ACSM5: variants seen among roughly 807,000 people sequenced by gnomAD.
ACSM5 encodes acyl-coenzyme A synthetase ACSM5, mitochondrial.
In ACSM5, 56 loss-of-function variants were observed where a neutral mutation model predicts 71.6. The observed-to-expected ratio is 0.78, with a 90% CI of 0.63 to 0.98. The LOEUF is 0.98. Ranked by LOEUF, ACSM5 falls within the 50% of genes least tolerant of loss-of-function variation. ACSM5 has a pLI of 0.00. For synonymous variants in ACSM5, 285 were observed against 281.5 expected, an observed-to-expected ratio of 1.01 and a Z score of -0.12; for missense variants, 723 against 726.0, an observed-to-expected ratio of 1.00 and a Z score of 0.05.
rs191579073 is a variant in ACSM5, at chr16:20,438,755, A to G, written c.1537-1045A>G. Among the ~76,000 whole-genome samples, 291 of 151,058 alleles carry G rather than the reference A, an allele frequency of 1.9e-3. 1 individual carries two copies. The highest frequency in any genetic ancestry group is 5.9e-3 in the African/African-American group (242 of 41,266). Reference sequence around the variant, plus strand: ...TGGATCACGAGGTCAGGAGATCGAGATCATCCTGGCTAACACAGTGAAACC... The same window carrying G: ...TGGATCACGAGGTCAGGAGATCGAGGTCATCCTGGCTAACACAGTGAAACC... On this transcript the variant is annotated intron_variant, in intron 12 of 13. Transcript: ENST00000331849.
rs539181053 is a variant in ACSM5, at chr16:20,422,210, C to A, written c.767+809C>A. Among the ~76,000 whole-genome samples, 6 of 152,262 alleles carry A rather than the reference C, an allele frequency of 3.9e-5. No individual in the cohort carries two copies. In the South Asian group the frequency reaches 1.2e-3, roughly 32 times the overall value. The stretch of plus-strand genomic sequence containing the variant: ...CACTGCAACCTCTGCCTTCCAGTTT[C>A]AAGCAATTCTCCTGCCTCAGCCTCC... On this transcript the variant is annotated intron_variant, in intron 5 of 13. Coordinates refer to ENST00000331849, the MANE Select transcript of ACSM5 (RefSeq NM_017888.3).
rs760284436 is a variant in ACSM5, at chr16:20,437,037, G to A, written c.1309-15G>A. Reference sequence around the variant, plus strand: ...GTTCCCAGAGGGTCCTTCACGGGTTGTCTTTGTCTTTCAGGACAATCCTGA... The same window carrying A: ...GTTCCCAGAGGGTCCTTCACGGGTTATCTTTGTCTTTCAGGACAATCCTGA... On this transcript the variant is annotated splice_polypyrimidine_tract_variant and intron_variant, in intron 10 of 13. Transcript: ENST00000331849. The A allele has an allele frequency of 1.2e-6, 2 of 1,614,050 alleles. No individual in the cohort carries two copies. Among genetic ancestry groups the A allele is most frequent in the Non-Finnish European group, 1.7e-6 (2 of 1,179,980 alleles).
At chr16:20,416,549 C>A (rs1242958885) in intron 2 of ACSM5, among the ~76,000 whole-genome samples, 1 of 152,118 alleles carries the variant, frequency 6.6e-6, no homozygotes, top group Non-Finnish European at 1.5e-5. Context: ...ATTGAGTCTC[C>A]TACCTGACCC....
In ACSM5 at chr16:20,427,856, G is replaced by A; in HGVS notation, c.990G>A (p.Glu330=). 2 of 1,613,624 alleles carry A rather than the reference G, an allele frequency of 1.2e-6. No individual in the cohort carries two copies. Among genetic ancestry groups the A allele is most frequent in the South Asian group, 1.1e-5 (1 of 91,056 alleles). The change falls in exon 7 of 14, where the codon GAG becomes GAA. Residue 330 remains glutamate, a synonymous_variant. Transcript: ENST00000331849. ...CCATCTTTCGGCTGCTTGTGCAGGA[G>A]GATCTGACCAGGTACAGCCCGTCTA... The part of the protein sequence containing the change: ...VPTIFRLLVQ[E]DLTRYQFQSL...
At position 20,421,293 on chromosome 16, in the gene ACSM5, A is replaced by C; in HGVS notation, c.659A>C (p.Lys220Thr). 1 of 1,606,428 alleles carries C rather than the reference A, an allele frequency of 6.2e-7. No homozygotes were observed. Among genetic ancestry groups the C allele is most frequent in the Non-Finnish European group, 8.5e-7 (1 of 1,175,754 alleles). The change falls in exon 5 of 14, where the codon AAG (lysine) becomes ACG (threonine). Residue 220 changes from lysine (K) to threonine (T), a missense_variant. By Grantham distance (78) the Lys-to-Thr change is moderately conservative (BLOSUM62 -1). Transcript: ENST00000331849. ...ASTEHNCMRT[K>T]SRDPLAIYFT... ...ACAGAGCACAACTGCATGAGGACAA[A>C]GAGTCGAGACCCGCTGGCCATCTAC... is the stretch of plus-strand genomic sequence containing the variant.
intron 5 of ACSM5, 133 bp from the exon 6 acceptor site, chr16:20,423,783 G>A: frequency 1.9e-6 from 2 of 1,033,844 alleles, no homozygotes; most frequent in Non-Finnish European, 2.9e-6. Context: ...TGACTTGATG[G>A]TCTTGTTCAG....
rs1567346226 is a variant in ACSM5, at chr16:20,431,316, T to C, written c.1303T>C (p.Tyr435His). The change falls in exon 10 of 14, where the codon TAT (tyrosine) becomes CAT (histidine). Residue 435 changes from tyrosine to histidine, a missense_variant. Tyr to His is a moderately conservative substitution (Grantham distance 83, BLOSUM62 2). Transcript: ENST00000331849. ...PTRPFCFFNC[Y>H]LDNPEKTAAS... ...TCGGCCCTTCTGTTTCTTCAATTGC[T>C]ATTTGGTAAGAGACGGGGAACAGCC... 1.9e-6 allele frequency: 3 copies of C among 1,613,482 alleles called. No individual in the cohort carries two copies. The East Asian group carries it at 6.7e-5, about 36-fold the overall frequency.
At chr16:20,410,259 A>G (rs745846075) in intron 1 of ACSM5, among the ~76,000 whole-genome samples, 1 of 152,192 alleles carries the variant, frequency 6.6e-6, no homozygotes, top group Non-Finnish European at 1.5e-5. Flanking sequence ...TATTACTAAG[A>G]GGAATTTAAT....
intron 2 of ACSM5, among the ~76,000 whole-genome samples, chr16:20,414,363 G>GA (rs1765856721): frequency 6.6e-6 from 1 of 152,200 alleles, no homozygotes. Flanking sequence ...GTCAGAGTCA[G>GA]AGAAGGAGAT....
chr16:20,418,766 A>T (rs1247268223), intron 3 of ACSM5, among the ~76,000 whole-genome samples: 1 of 152,210 alleles, frequency 6.6e-6, no homozygotes, highest in Non-Finnish European at 1.5e-5. Context: ...CGATGCAGTT[A>T]TAGATGAGGG....
chr16:20,420,170 T>A (rs1165268866), intron 4 of ACSM5, among the ~76,000 whole-genome samples: 4 of 152,108 alleles, frequency 2.6e-5, no homozygotes, highest in Middle Eastern at 3.2e-3. Context: ...AACCATTGAG[T>A]TATGAATGCT....
At chr16:20,411,169 G>A (rs1455172536) in intron 1 of ACSM5, among the ~76,000 whole-genome samples, 1 of 152,216 alleles carries the variant, frequency 6.6e-6, no homozygotes. Context: ...GTTCAGGATT[G>A]GCCAAAGCCT....
rs191475171 is a variant in ACSM5, at chr16:20,428,722, G to T, written c.1001+855G>T. Among the ~76,000 whole-genome samples, 412 of 152,246 alleles carry T rather than the reference G, an allele frequency of 2.7e-3. 2 individuals carry two copies. Among genetic ancestry groups the T allele is most frequent in the African/African-American group, 9.6e-3 (399 of 41,548 alleles). On this transcript the variant is annotated intron_variant, in intron 7 of 13. Transcript: ENST00000331849. Reference sequence around the variant, plus strand: ...TCTGATGTGTGCATCTCCACATGATGATTTTGGCTGAAAGCAAGCTCCAAG... The same window carrying T: ...TCTGATGTGTGCATCTCCACATGATTATTTTGGCTGAAAGCAAGCTCCAAG...
chr16:20,413,515 C>T (rs1266494156), intron 2 of ACSM5, among the ~76,000 whole-genome samples: 1 of 152,188 alleles, frequency 6.6e-6, no homozygotes, highest in Non-Finnish European at 1.5e-5. Context: ...AAAACAATCA[C>T]AGACAAATGT....
At chr16:20,414,162 G>A (rs2141639615) in intron 2 of ACSM5, among the ~76,000 whole-genome samples, 1 of 152,250 alleles carries the variant, frequency 6.6e-6, no homozygotes, top group South Asian at 2.1e-4. Context: ...CATGGCAATG[G>A]TTATCAAAAT....
intron 6 of ACSM5, among the ~76,000 whole-genome samples, chr16:20,427,370 T>A (rs1967003518): frequency 1.3e-5 from 2 of 152,142 alleles, no homozygotes. Context: ...TCTCACTGGG[T>A]GTTTGCTAGT....
chr16:20,428,035 C>T (rs1422333888), intron 7 of ACSM5, among the ~76,000 whole-genome samples, 168 bp downstream of exon 7: 1 of 152,174 alleles, frequency 6.6e-6, no homozygotes, highest in Non-Finnish European at 1.5e-5. Flanking sequence ...CACATTTATA[C>T]ACGTACACAT....
rs12932613 is a variant in ACSM5, at chr16:20,415,860, A to T, written c.205-2199A>T. On this transcript the variant is annotated intron_variant, in intron 2 of 13. Coordinates refer to ENST00000331849, the MANE Select transcript of ACSM5 (RefSeq NM_017888.3). ...TTATTTTAATTCATTGTTTGAATGG[A>T]TATGTCTCTGACTATTATGGTATCC... 3.1e-3 allele frequency among the ~76,000 whole-genome samples: 477 copies of T among 152,264 alleles called. 3 individuals are homozygous for T. The highest frequency in any genetic ancestry group is 5.8e-3 in the Non-Finnish European group (396 of 68,012).
chr16:20,424,772 C>T (rs1270364981), intron 6 of ACSM5, among the ~76,000 whole-genome samples: 2 of 152,228 alleles, frequency 1.3e-5, no homozygotes, highest in Non-Finnish European at 2.9e-5. Context: ...GAAAGGGATA[C>T]ATTTCTCTAT....
Sources: gnomAD v4.1 joint callset for allele counts (sites outside exome capture counted in the v4.1 genomes callset) on GRCh38, gnomAD v4.1.1 for gene constraint, MANE v1.5 for transcripts, NCBI Gene and HGNC (gene_info 2026-07-23, HGNC 2026-07-21) for gene names.